SNX25: variants seen among roughly 807,000 people sequenced by gnomAD.
The protein encoded by SNX25 is sorting nexin-25.
In SNX25, 62 loss-of-function variants were observed where a neutral mutation model predicts 113.7. That is an observed-to-expected ratio of 0.55 (90% CI 0.44 to 0.67). The LOEUF is 0.67. Ranked by LOEUF, SNX25 falls within the 30% of genes least tolerant of loss-of-function variation. The pLI, the probability that SNX25 is intolerant of heterozygous loss-of-function variation, is 0.00. For missense variants in SNX25, 1,014 were observed against 1,161.0 expected, an observed-to-expected ratio of 0.87 and a Z score of 1.84; for synonymous variants, 421 against 436.2, an observed-to-expected ratio of 0.97 and a Z score of 0.43.
chr4:185,320,685 C>T, intron 7 of SNX25, 48 bp from the exon 8 acceptor site: 2 of 1,355,352 alleles, frequency 1.5e-6, no homozygotes, highest in Non-Finnish European at 1.9e-6. Context: ...AGCAAACTGA[C>T]ATTTAAAATT....
intron 7 of SNX25, among the ~76,000 whole-genome samples, chr4:185,316,043 C>G (rs1723416437): frequency 6.6e-6 from 1 of 152,174 alleles, no homozygotes; most frequent in South Asian, 2.1e-4. Context: ...TTGCCACAAT[C>G]AAGATAATAA....
intron 15 of SNX25, among the ~76,000 whole-genome samples, chr4:185,355,300 A>C (rs1046049127): frequency 2.0e-5 from 3 of 152,176 alleles, no homozygotes; most frequent in Non-Finnish European, 2.9e-5. Context: ...AGCTAAGAGA[A>C]TATATAATGT....
At chr4:185,224,416 TA>T (rs1199340882) in intron 1 of SNX25, among the ~76,000 whole-genome samples, 5 of 143,184 alleles carry the variant, frequency 3.5e-5, no homozygotes, top group East Asian at 3.9e-4. Flanking sequence ...TATAGATATA[TA>T]AAAATATATA....
chr4:185,279,591 A>G (rs980672948), intron 5 of SNX25, among the ~76,000 whole-genome samples: 9 of 152,216 alleles, frequency 5.9e-5, no homozygotes, highest in Non-Finnish European at 1.0e-4. Flanking sequence ...AAAACCTTGT[A>G]CTTATCCTCA....
intron 2 of SNX25, among the ~76,000 whole-genome samples, chr4:185,256,488 A>G (rs968838655): frequency 6.6e-6 from 1 of 152,162 alleles, no homozygotes; most frequent in South Asian, 2.1e-4. Flanking sequence ...ATAGAATATT[A>G]ATACCAAAAT....
At chr4:185,300,004 C>T (rs1391946377) in intron 6 of SNX25, among the ~76,000 whole-genome samples, 2 of 152,118 alleles carry the variant, frequency 1.3e-5, no homozygotes, top group Admixed American at 1.3e-4. Flanking sequence ...AATTGTATAT[C>T]TTACCCAAGT....
At chr4:185,220,941 G>T (rs555870461) in intron 1 of SNX25, among the ~76,000 whole-genome samples, 59 of 152,156 alleles carry the variant, frequency 3.9e-4, no homozygotes, top group African/African-American at 1.2e-3. Flanking sequence ...ATGGCTCACC[G>T]CAGCATCAGC....
intron 10 of SNX25, 107 bp downstream of exon 10, chr4:185,332,866 A>G (rs1579823056): frequency 2.6e-6 from 3 of 1,134,462 alleles, no homozygotes; most frequent in Non-Finnish European, 3.7e-6. Context: ...AATTTTAACC[A>G]TGAACAAGTT....
At chr4:185,283,175 G>C (rs1309550101) in intron 5 of SNX25, among the ~76,000 whole-genome samples, 8 of 152,196 alleles carry the variant, frequency 5.3e-5, no homozygotes, top group Admixed American at 5.2e-4. Flanking sequence ...AGTGTTTGCA[G>C]TTCCTCACAG....
chr4:185,247,273 ATT>A lies in SNX25; in HGVS notation c.430-15_430-14del, dbSNP rs1330650492. The A allele has an allele frequency of 2.0e-6, 3 of 1,528,690 alleles. No individual in the cohort carries two copies. Among genetic ancestry groups the A allele is most frequent in the Middle Eastern group, 1.9e-4 (1 of 5,362 alleles). 94.7% of individuals were successfully genotyped at this position (1,528,690 alleles called of 1,614,324 possible). On this transcript the variant is annotated intron_variant, in intron 1 of 18. Transcript: ENST00000652585. ...TTATTCATTCAGTAATCTGCTTTGT[ATT>A]TTTTTCCTTTCATTTCAGAGTCCTG...
chr4:185,260,316 G>C (rs1466130807), intron 3 of SNX25, among the ~76,000 whole-genome samples: 4 of 152,030 alleles, frequency 2.6e-5, no homozygotes, highest in Non-Finnish European at 5.9e-5. Context: ...ATTCTTAAAA[G>C]TTTCTGAGAA....
intron 2 of SNX25, among the ~76,000 whole-genome samples, chr4:185,255,947 G>A (rs1311911178): frequency 6.6e-6 from 1 of 152,144 alleles, no homozygotes; most frequent in African/African-American, 2.4e-5. Flanking sequence ...TTCCTTAATG[G>A]AATAGTACCA....
chr4:185,349,307 T>C (rs2095304196), intron 13 of SNX25, among the ~76,000 whole-genome samples: 1 of 152,332 alleles, frequency 6.6e-6, no homozygotes, highest in South Asian at 2.1e-4. Flanking sequence ...CTCTATCCAG[T>C]CATCTGTTGG....
At chr4:185,373,903 G>A (rs1425217838), downstream of SNX25, among the ~76,000 whole-genome samples, 1 of 152,048 alleles carries the variant, frequency 6.6e-6, no homozygotes. Flanking sequence ...TTTTAGCTTT[G>A]ATACTATAGT....
chr4:185,234,768 A>C (rs917162373), intron 1 of SNX25, among the ~76,000 whole-genome samples: 1 of 152,232 alleles, frequency 6.6e-6, no homozygotes, highest in Non-Finnish European at 1.5e-5. Context: ...ATAATTGTTA[A>C]AGCACTTTTA....
At chr4:185,239,459 GCA>G (rs1232217604) in intron 1 of SNX25, among the ~76,000 whole-genome samples, 36 of 152,180 alleles carry the variant, frequency 2.4e-4, no homozygotes, top group East Asian at 1.2e-3. Context: ...CTCCAGCCTG[GCA>G]ACAGAGTGAG....
intron 3 of SNX25, among the ~76,000 whole-genome samples, chr4:185,262,099 T>C (rs1011857640): frequency 4.0e-5 from 6 of 150,948 alleles, no homozygotes; most frequent in Non-Finnish European, 8.9e-5. Flanking sequence ...AGAATGACTT[T>C]GGTAGCCTGG....
chr4:185,259,601 G>A (rs545747706), intron 3 of SNX25, among the ~76,000 whole-genome samples: 1 of 152,278 alleles, frequency 6.6e-6, no homozygotes, highest in African/African-American at 2.4e-5. Flanking sequence ...ATACGTGACA[G>A]TTGTACATAT....
intron 5 of SNX25, among the ~76,000 whole-genome samples, chr4:185,268,799 T>C (rs930323614): frequency 6.6e-6 from 1 of 152,188 alleles, no homozygotes; most frequent in African/African-American, 2.4e-5. Flanking sequence ...AATCTAGGTG[T>C]CACAAATACA....
Sources: allele counts gnomAD v4.1 joint callset (sites outside exome capture counted in the v4.1 genomes callset), GRCh38; gene constraint gnomAD v4.1.1; transcripts MANE v1.5; gene names NCBI Gene and HGNC (gene_info 2026-07-23, HGNC 2026-07-21).